SETX: variants seen among roughly 807,000 people sequenced by gnomAD.
SETX encodes helicase senataxin.
In SETX, 90 loss-of-function variants were observed where a neutral mutation model predicts 227.2. The ratio of observed to expected loss-of-function variants is 0.40; its 90% confidence interval spans 0.33 to 0.47. The LOEUF (loss-of-function observed/expected upper bound fraction) is 0.47. SETX is among the 20% of genes least tolerant of loss of function. SETX has a pLI of 0.91. For synonymous variants in SETX, 1,210 were observed against 1,113.2 expected, an observed-to-expected ratio of 1.09 and a Z score of -1.73; for missense variants, 3,052 against 3,181.5, an observed-to-expected ratio of 0.96 and a Z score of 0.98.
intron 10 of SETX, among the ~76,000 whole-genome samples, chr9:132,319,727 T>G (rs1210196871): frequency 6.6e-6 from 1 of 152,210 alleles, no homozygotes; most frequent in African/African-American, 2.4e-5. Flanking sequence ...CAGAACTGAT[T>G]ACAATCTGAA....
At chr9:132,309,119 C>A (rs201710266) in intron 11 of SETX, among the ~76,000 whole-genome samples, 9 of 152,012 alleles carry the variant, frequency 5.9e-5, no homozygotes, top group African/African-American at 9.7e-5. Context: ...GTCTGGGCGA[C>A]AGAGCAAGAT....
At chr9:132,321,723 C>T (rs1471627492) in intron 10 of SETX, among the ~76,000 whole-genome samples, 1 of 149,734 alleles carries the variant, frequency 6.7e-6, no homozygotes, top group Non-Finnish European at 1.5e-5. Flanking sequence ...TGGTGTGCAC[C>T]TGTAGTCCCA....
intron 10 of SETX, among the ~76,000 whole-genome samples, chr9:132,322,720 C>T (rs1846437973): frequency 6.6e-6 from 1 of 152,160 alleles, no homozygotes; most frequent in Non-Finnish European, 1.5e-5. Context: ...CACCAGAAAT[C>T]ATTACCACCT....
At chr9:132,320,457 G>A (rs1021029327) in intron 10 of SETX, among the ~76,000 whole-genome samples, 2 of 152,010 alleles carry the variant, frequency 1.3e-5, no homozygotes, top group East Asian at 3.9e-4. Context: ...CCGGACGCCT[G>A]ATGGCGGGCG....
rs1846967755 is a variant in SETX at position 132,328,211 on chromosome 9, T to G, written c.3387A>C (p.Glu1129Asp). The part of the protein sequence containing the change: ...NGQGCTDYVS[E>D]VVKKGAEGIE... ...TGCCCTCTGCTCCTTTTTTAACAAC[T>G]TCAGATACATAATCTGTACAACCCT... is the stretch of plus-strand genomic sequence containing the variant. The change falls in exon 10 of 26, where the codon GAA (glutamate) becomes GAC (aspartate). Residue 1129 changes from glutamate to aspartate, a missense_variant. Transcript: ENST00000224140. 1.2e-6 allele frequency: 2 copies of G among 1,614,192 alleles called. No individual in the cohort carries two copies. Among genetic ancestry groups the G allele is most frequent in the Non-Finnish European group, 1.7e-6 (2 of 1,180,034 alleles).
intron 15 of SETX, among the ~76,000 whole-genome samples, chr9:132,292,618 CCAACT>C (rs201487759): frequency 6.2e-4 from 93 of 150,266 alleles, no homozygotes; most frequent in Non-Finnish European, 7.4e-4. Flanking sequence ...AAAAAAGTTC[CCAACT>C]CATTTTTTTT....
intron 11 of SETX, among the ~76,000 whole-genome samples, chr9:132,310,007 G>A (rs1450747339): frequency 6.6e-6 from 1 of 152,108 alleles, no homozygotes; most frequent in Non-Finnish European, 1.5e-5. Context: ...TCACTAAAAA[G>A]AGTCAGTATG....
rs11243705 is a variant in SETX at position 132,278,286 on chromosome 9, T to C, written c.6655-29A>G. The C allele has an allele frequency of 0.16, 256,210 of 1,608,142 alleles. 21,171 individuals carry two copies. Among genetic ancestry groups the C allele is most frequent in the East Asian group, 0.28 (12,408 of 44,824 alleles). On this transcript the variant is annotated intron_variant, in intron 20 of 25. Coordinates refer to ENST00000224140, the MANE Select transcript of SETX (RefSeq NM_015046.7). ...TGAGGGGCAAAATAAAGCAACAGTT[T>C]CCAAGAATTCATTTATATCTTTCCC...
chr9:132,304,507 A>C (rs1051593515), intron 11 of SETX, among the ~76,000 whole-genome samples: 3 of 143,766 alleles, frequency 2.1e-5, no homozygotes, highest in Non-Finnish European at 3.0e-5. Context: ...TAAAGATTAC[A>C]AAAAAAAAAA....
In SETX at chr9:132,326,798, G is replaced by A. The variant is rs1219447611; in HGVS notation, c.4800C>T (p.Ser1600=). Residue 1600 remains serine, a synonymous_variant, in exon 10 of 26, where the codon AGC becomes AGT. Transcript: ENST00000224140. ...KPLRPTTKIF[S]SKSTSRIAGL... ...CAGCAATTCGTGAAGTACTCTTTGA[G>A]CTAAAAATCTTAGTGGTAGGTCTCA... is the stretch of plus-strand genomic sequence containing the variant. 6.2e-7 allele frequency: 1 copy of A among 1,614,202 alleles called. No individual in the cohort carries two copies. The highest frequency in any genetic ancestry group is 1.3e-5 in the African/African-American group (1 of 75,052).
chr9:132,327,798 G>A lies in SETX; in HGVS notation c.3800C>T (p.Ala1267Val). ...ACGAAATTTCTTTGGCGGCACTATA[G>A]CAGGAGTTGTTCTACAACTTAGGTA... The part of the protein sequence containing the change: ...SNYLSCRTTP[A>V]IVPPKKFRQC... Residue 1267 changes from alanine (A) to valine (V), a missense_variant, in exon 10 of 26, where the codon GCT becomes GTT. Coordinates refer to ENST00000224140, the MANE Select transcript of SETX (RefSeq NM_015046.7). 6.2e-7 allele frequency: 1 copy of A among 1,614,158 alleles called. No individual in the cohort carries two copies. Among genetic ancestry groups the A allele is most frequent in the Non-Finnish European group, 8.5e-7 (1 of 1,180,028 alleles).
chr9:132,297,720 T>C lies in SETX; in HGVS notation c.5781+360A>G, dbSNP rs62576471. On this transcript the variant is annotated intron_variant, in intron 13 of 25. Transcript: ENST00000224140. ...TTTATACACAGCTTCACATGTTCAG[T>C]TGACAACTTCATCTTTGCATTTCCA... is the stretch of plus-strand genomic sequence containing the variant. 7.6e-3 allele frequency among the ~76,000 whole-genome samples: 1,164 copies of C among 152,366 alleles called. 5 individuals carry two copies. Among genetic ancestry groups the C allele is most frequent in the Non-Finnish European group, 0.013 (859 of 68,038 alleles).
At chr9:132,296,061 CA>C (rs772156014) in intron 14 of SETX, 33 bp from the exon 15 acceptor site, 31 of 1,613,900 alleles carry the variant, frequency 1.9e-5, no homozygotes, top group Non-Finnish European at 2.4e-5. Context: ...ACCAAACAAA[CA>C]CACAAAAAAT....
intron 15 of SETX, among the ~76,000 whole-genome samples, chr9:132,295,572 G>C (rs1039529164): frequency 6.6e-6 from 1 of 152,148 alleles, no homozygotes; most frequent in African/African-American, 2.4e-5. Flanking sequence ...TCCCCCTAAG[G>C]TGTGTGGAAC....
chr9:132,291,323 C>A (rs11243712), intron 15 of SETX, among the ~76,000 whole-genome samples: 8,524 of 151,944 alleles, frequency 0.056, 368 homozygotes, highest in East Asian at 0.25. Context: ...CCCCCCACCA[C>A]GCCCAGCTAA....
intron 5 of SETX, among the ~76,000 whole-genome samples, chr9:132,337,607 C>A (rs1453842423): frequency 6.6e-6 from 1 of 152,168 alleles, no homozygotes; most frequent in African/African-American, 2.4e-5. Context: ...AAAGCATGAG[C>A]TCTATGCCAA....
At chr9:132,295,456 C>CT (rs1205528714) in intron 15 of SETX, among the ~76,000 whole-genome samples, 9 of 151,694 alleles carry the variant, frequency 5.9e-5, no homozygotes, top group Admixed American at 2.6e-4. Flanking sequence ...TGCCCTGATT[C>CT]TTTTTTTTTA....
chr9:132,283,445 C>G (rs769772720), intron 18 of SETX, 32 bp from the exon 19 acceptor site: 19 of 1,613,602 alleles, frequency 1.2e-5, no homozygotes, highest in Non-Finnish European at 1.6e-5. Context: ...CAATATTCAG[C>G]TGTACATCAA....
chr9:132,295,192 T>C (rs750221493), intron 15 of SETX, among the ~76,000 whole-genome samples: 2 of 152,198 alleles, frequency 1.3e-5, no homozygotes, highest in Non-Finnish European at 2.9e-5. Flanking sequence ...TTATCTACAT[T>C]CTACCGAAAA....
Sources: gnomAD v4.1 joint callset for allele counts (sites outside exome capture counted in the v4.1 genomes callset) on GRCh38, gnomAD v4.1.1 for gene constraint, MANE v1.5 for transcripts, NCBI Gene and HGNC (gene_info 2026-07-23, HGNC 2026-07-21) for gene names.